The following SOHLH2 variants were observed in gnomAD, a reference collection of about 807,000 sequenced individuals.
The protein encoded by SOHLH2 is spermatogenesis- and oogenesis-specific basic helix-loop-helix-containing protein 2.
A neutral mutation model predicts 50.4 loss-of-function variants in SOHLH2; 22 were observed. The ratio of observed to expected loss-of-function variants is 0.44; its 90% CI spans 0.31 to 0.62. The LOEUF (loss-of-function observed/expected upper bound fraction) is 0.62. Ranked by LOEUF, SOHLH2 falls within the 20% of genes least tolerant of loss-of-function variation. The probability of loss-of-function intolerance (pLI) is 0.08; values close to 1 mark genes in which losing one functional copy is unlikely to be tolerated. For missense variants in SOHLH2, 412 were observed against 504.4 expected, an observed-to-expected ratio of 0.82 and a Z score of 1.76; for synonymous variants, 185 against 187.3, an observed-to-expected ratio of 0.99 and a Z score of 0.10.
chr13:36,190,404 C>G (rs1164556491), intron 5 of SOHLH2, among the ~76,000 whole-genome samples: 1 of 152,060 alleles, frequency 6.6e-6, no homozygotes, highest in African/African-American at 2.4e-5. Flanking sequence ...AGGTACATTA[C>G]AGGAAAAAAG....
intron 1 of SOHLH2, among the ~76,000 whole-genome samples, chr13:36,205,126 G>A (rs1484137617): frequency 5.9e-5 from 9 of 152,122 alleles, no homozygotes; most frequent in Non-Finnish European, 1.3e-4. Flanking sequence ...CTTGCTTCAA[G>A]TAATGCACTT....
Position 36,201,998 on chromosome 13 carries a change from G to A in SOHLH2, c.144C>T (p.Ile48=), listed in dbSNP as rs538965336. 3.1e-6 allele frequency: 5 copies of A among 1,614,218 alleles called. No individual in the cohort carries two copies. The African/African-American group carries it at 5.3e-5, about 17-fold the overall frequency. The change falls in exon 2 of 11, where the codon ATC becomes ATT. Residue 48 remains isoleucine (I), a synonymous_variant. Transcript: ENST00000379881. ...CTGCCTCCTTCGTGTCACTGATGGT[G>A]ATGGTGACTTCTGCTATGTTTGCAA... ...KLFANIAEVT[I]TISDTKEAAA... is the part of the protein sequence containing the mutation.
chr13:36,169,014 T>A lies in SOHLH2; in HGVS notation c.*20A>T. 1 of 1,604,976 alleles carries A rather than the reference T, an allele frequency of 6.2e-7. No homozygotes were observed. The highest frequency in any genetic ancestry group is 8.5e-7 in the Non-Finnish European group (1 of 1,177,350). Reference sequence around the variant, plus strand: ...TGCGCCCAGTAGGTGGTTGAGAGTGTGAATTTCAAACATGTGCTTTTAATA... The same window carrying A: ...TGCGCCCAGTAGGTGGTTGAGAGTGAGAATTTCAAACATGTGCTTTTAATA... On this transcript the variant is annotated 3_prime_UTR_variant, in exon 11 of 11. Transcript: ENST00000379881.
At chr13:36,184,470 T>C (rs1887351337) in intron 6 of SOHLH2, among the ~76,000 whole-genome samples, 1 of 143,130 alleles carries the variant, frequency 7.0e-6, no homozygotes, top group South Asian at 2.3e-4. Context: ...CTTTTTTTTT[T>C]TTTTTTTTTG....
At chr13:36,195,309 A>G (rs1887691992) in intron 2 of SOHLH2, among the ~76,000 whole-genome samples, 1 of 152,158 alleles carries the variant, frequency 6.6e-6, no homozygotes, top group Admixed American at 6.5e-5. Context: ...GATGTGCAGC[A>G]CAGAACACTC....
At position 36,208,298 on chromosome 13, in the gene SOHLH2, T is replaced by C. The variant is rs560886270; in HGVS notation, c.48+6181A>G. On this transcript the variant is annotated intron_variant, in intron 1 of 10. Transcript: ENST00000379881. ...ACATTTATGATTTGGAAATCTTATG[T>C]AAGGAGGATATGTTCCTTTTCCCTC... Among the ~76,000 whole-genome samples, 4 of 152,342 alleles carry C rather than the reference T, an allele frequency of 2.6e-5. No homozygotes were observed. The East Asian group carries it at 7.7e-4, about 29-fold the overall frequency.
intron 1 of SOHLH2, among the ~76,000 whole-genome samples, chr13:36,204,221 G>C (rs1020380658): frequency 1.3e-5 from 2 of 152,164 alleles, no homozygotes; most frequent in East Asian, 3.9e-4. Flanking sequence ...AAAGTGCTGG[G>C]ATTACGGGTG....
At chr13:36,201,612 G>T (rs1334776106) in intron 2 of SOHLH2, among the ~76,000 whole-genome samples, 1 of 151,926 alleles carries the variant, frequency 6.6e-6, no homozygotes, top group Non-Finnish European at 1.5e-5. Flanking sequence ...AACTATAGGT[G>T]CATGTCACCA....
intron 1 of SOHLH2, among the ~76,000 whole-genome samples, chr13:36,209,923 G>A (rs2138333412): frequency 1.3e-5 from 2 of 152,316 alleles, no homozygotes; most frequent in South Asian, 4.2e-4. Flanking sequence ...AGCAGGATGA[G>A]TGAAAGCAAA....
At chr13:36,204,187 G>C (rs1039500617) in intron 1 of SOHLH2, among the ~76,000 whole-genome samples, 1 of 152,034 alleles carries the variant, frequency 6.6e-6, no homozygotes, top group Non-Finnish European at 1.5e-5. Context: ...CTGACCTCGG[G>C]TGATCCGCCC....
At position 36,174,724 on chromosome 13, in the gene SOHLH2, G is replaced by C; in HGVS notation, c.787C>G (p.Gln263Glu). ...REKISPAVMAQITEALQSNMR... is the reference protein window; with the variant it reads ...REKISPAVMAEITEALQSNMR... ...TCAAAGCTTTGGGAGTCAAATACCT[G>C]GGCCATAACGGCTGGAGAGATTTTC... Residue 263 changes from glutamine (Q) to glutamate (E), a missense_variant and splice_region_variant, in exon 7 of 11, where the codon CAG (glutamine) becomes GAG (glutamate). Gln to Glu is a conservative substitution (Grantham distance 29). Coordinates refer to ENST00000379881, the MANE Select transcript of SOHLH2 (RefSeq NM_017826.3). 6.2e-7 allele frequency: 1 copy of C among 1,600,668 alleles called. No homozygotes were observed. Among genetic ancestry groups the C allele is most frequent in the Non-Finnish European group, 8.5e-7 (1 of 1,175,408 alleles).
chr13:36,168,737 A>C lies in SOHLH2; in HGVS notation c.*297T>G. On this transcript the variant is annotated 3_prime_UTR_variant, in exon 11 of 11. Coordinates refer to ENST00000379881, the MANE Select transcript of SOHLH2 (RefSeq NM_017826.3). The stretch of plus-strand genomic sequence containing the variant: ...AGCATGCTTTTTTCATAAATTGTGG[A>C]ATATTTTTTGAGAAAAGAGAGTGTA... The C allele has an allele frequency of 2.5e-6, 1 of 408,144 alleles. No individual in the cohort carries two copies. Among genetic ancestry groups the C allele is most frequent in the Non-Finnish European group, 4.3e-6 (1 of 231,016 alleles). 25.3% of individuals were successfully genotyped at this position (408,144 alleles called of 1,614,324 possible). A position where few individuals can be genotyped will look rare whatever the true frequency, so the allele number is the denominator to read the frequency against.
intron 6 of SOHLH2, among the ~76,000 whole-genome samples, chr13:36,185,647 C>A (rs1887397535): frequency 6.6e-6 from 1 of 151,760 alleles, no homozygotes; most frequent in African/African-American, 2.4e-5. Context: ...AGAAACAAGG[C>A]AGAAAACACA....
At chr13:36,207,385 G>A (rs1868840693) in intron 1 of SOHLH2, among the ~76,000 whole-genome samples, 1 of 151,670 alleles carries the variant, frequency 6.6e-6, no homozygotes, top group South Asian at 2.1e-4. Context: ...TAATGCTTTG[G>A]GAGTGAAATC....
At chr13:36,202,583 G>T (rs926807635) in intron 1 of SOHLH2, among the ~76,000 whole-genome samples, 20 of 152,156 alleles carry the variant, frequency 1.3e-4, no homozygotes, top group African/African-American at 4.8e-4. Flanking sequence ...GAATATATGT[G>T]CTATTCAAAC....
At chr13:36,190,378 C>T (rs1452165922) in intron 5 of SOHLH2, among the ~76,000 whole-genome samples, 1 of 152,116 alleles carries the variant, frequency 6.6e-6, no homozygotes, top group African/African-American at 2.4e-5. Context: ...TATGACTATG[C>T]ACCCTTCAGA....
At position 36,168,993 on chromosome 13, in the gene SOHLH2, C is replaced by A. The variant is rs1237624088; in HGVS notation, c.*41G>T. ...ACTTTTCCTAGATTGTCAAACTGCGCCCAGTAGGTGGTTGAGAGTGTGAAT... is the reference window on the plus strand; with the variant it reads ...ACTTTTCCTAGATTGTCAAACTGCGACCAGTAGGTGGTTGAGAGTGTGAAT... On this transcript the variant is annotated 3_prime_UTR_variant, in exon 11 of 11. Transcript: ENST00000379881. 2 of 1,594,540 alleles carry A rather than the reference C, an allele frequency of 1.3e-6. No individual in the cohort carries two copies. Among genetic ancestry groups the A allele is most frequent in the East Asian group, 2.3e-5 (1 of 43,752 alleles).
At chr13:36,209,840 T>G (rs1869003573) in intron 1 of SOHLH2, among the ~76,000 whole-genome samples, 1 of 152,226 alleles carries the variant, frequency 6.6e-6, no homozygotes, top group South Asian at 2.1e-4. Flanking sequence ...CAGTTTCTCC[T>G]GCAGCTGAGG....
At chr13:36,201,481 T>TC (rs1223568064) in intron 2 of SOHLH2, among the ~76,000 whole-genome samples, 1 of 151,866 alleles carries the variant, frequency 6.6e-6, no homozygotes, top group Non-Finnish European at 1.5e-5. Flanking sequence ...TCCCTCATTT[T>TC]TTTTTTTTAG....
Sources: gnomAD v4.1 joint callset for allele counts (sites outside exome capture counted in the v4.1 genomes callset) on GRCh38, gnomAD v4.1.1 for gene constraint, MANE v1.5 for transcripts, NCBI Gene and HGNC (gene_info 2026-07-23, HGNC 2026-07-21) for gene names.